Variants in SHLD1 observed in about 807,000 individuals in gnomAD.
The protein encoded by SHLD1 is shieldin complex subunit 1, also known as RINN1-REV7-interacting novel NHEJ regulator 3.
SHLD1 carries 3 observed loss-of-function variants against 5.5 expected under a neutral mutation model. The ratio of observed to expected loss-of-function variants is 0.54; its 90% confidence interval spans 0.25 to 1.40. The LOEUF is 1.40. Among genes scored for constraint, SHLD1 ranks in the 40% most tolerant of loss-of-function variants. SHLD1 has a pLI of 0.15. For missense variants in SHLD1, 210 were observed against 244.4 expected (o/e 0.86, Z 0.94); for synonymous variants, 92 against 94.3 (o/e 0.98, Z 0.14).
chr20:5,862,282 G>A (rs147149653), intron 2 of SHLD1, among the ~76,000 whole-genome samples: 33 of 152,278 alleles, frequency 2.2e-4, no homozygotes, highest in African/African-American at 7.2e-4. Context: ...GTGTGTAGTG[G>A]GTCCCCCACC....
At position 5,775,923 on chromosome 20, in the gene SHLD1, A is replaced by ATTTTT. The variant is rs533313849; in HGVS notation, c.178+2898_178+2902dup. Among the ~76,000 whole-genome samples, 74 of 77,684 alleles carry ATTTTT rather than the reference A, an allele frequency of 9.5e-4. 12 individuals are homozygous for ATTTTT. Among genetic ancestry groups the ATTTTT allele is most frequent in the Middle Eastern group, 8.3e-3 (1 of 120 alleles). 51.0% of individuals were successfully genotyped at this position (77,684 alleles called of 152,430 possible). A position where few individuals can be genotyped will look rare whatever the true frequency, so the allele number is the denominator to read the frequency against. The stretch of plus-strand genomic sequence containing the variant: ...TGCAGTACTGCCTGGTCAGCTCAGG[A>ATTTTT]TTTTTTTTTTTTTTTTTTTTTTGAG... On this transcript the variant is annotated intron_variant, in intron 2 of 2. Coordinates refer to ENST00000303142, the MANE Select transcript of SHLD1 (RefSeq NM_152504.4).
intron 2 of SHLD1, among the ~76,000 whole-genome samples, chr20:5,835,326 T>C (rs1241901375): frequency 6.6e-6 from 1 of 152,190 alleles, no homozygotes; most frequent in Non-Finnish European, 1.5e-5. Flanking sequence ...TTCATTCTCA[T>C]TCACTAAAAA....
chr20:5,863,390 A>C lies in SHLD1; in HGVS notation c.545A>C (p.Glu182Ala), dbSNP rs746095073. 3 of 1,614,142 alleles carry C rather than the reference A, an allele frequency of 1.9e-6. No individual in the cohort carries two copies. Among genetic ancestry groups the C allele is most frequent in the Non-Finnish European group, 2.5e-6 (3 of 1,180,012 alleles). Residue 182 changes from glutamate (E) to alanine (A), a missense_variant, in exon 3 of 3, where the codon GAA becomes GCA. By Grantham distance (107) the Glu-to-Ala change is moderately radical (BLOSUM62 -1). Transcript: ENST00000303142. ...LEEGSTSLDD[E>A]KPNPGLSKDI... ...GAAGGAAGTACATCTTTGGATGATG[A>C]AAAGCCAAACCCAGGACTGTCAAAG...
intron 2 of SHLD1, among the ~76,000 whole-genome samples, chr20:5,849,475 G>A (rs1400660643): frequency 1.3e-5 from 2 of 152,220 alleles, no homozygotes; most frequent in East Asian, 3.8e-4. Context: ...AACATGGACT[G>A]GGATGATTTC....
Position 5,797,734 on chromosome 20 carries a change from A to G in SHLD1, c.178+24691A>G, listed in dbSNP as rs543645430. Reference sequence around the variant, plus strand: ...TGGAGACATGTCTAACTTGTTTAATAAGTCACATTTATAATGCCTTTGCTA... The same window carrying G: ...TGGAGACATGTCTAACTTGTTTAATGAGTCACATTTATAATGCCTTTGCTA... On this transcript the variant is annotated intron_variant, in intron 2 of 2. Transcript: ENST00000303142. Among the ~76,000 whole-genome samples, 3 of 152,288 alleles carry G rather than the reference A, an allele frequency of 2.0e-5. No homozygotes were observed. In the East Asian group the frequency reaches 5.8e-4, roughly 29 times the overall value.
intron 2 of SHLD1, among the ~76,000 whole-genome samples, chr20:5,816,591 G>A (rs1023246783): frequency 3.9e-5 from 6 of 152,168 alleles, no homozygotes; most frequent in East Asian, 1.9e-4. Flanking sequence ...GGACCATAGC[G>A]AAATAGTGGC....
At chr20:5,783,384 C>T (rs1183950889) in intron 2 of SHLD1, among the ~76,000 whole-genome samples, 4 of 152,094 alleles carry the variant, frequency 2.6e-5, no homozygotes, top group East Asian at 3.9e-4. Flanking sequence ...CCACCACACC[C>T]GGCTAATTTT....
At chr20:5,757,071 CTTTT>C (rs753877287) in intron 1 of SHLD1, among the ~76,000 whole-genome samples, 37 of 123,206 alleles carry the variant, frequency 3.0e-4, no homozygotes, top group African/African-American at 1.1e-3. Context: ...TTCTTTCTTT[CTTTT>C]TTTTTTTTTT....
rs201725871 is a variant in SHLD1 at position 5,750,757 on chromosome 20, T to TA, written c.-5+284dup. Among the ~76,000 whole-genome samples, 1,343 of 152,068 alleles carry TA rather than the reference T, an allele frequency of 8.8e-3. 14 individuals are homozygous for TA. Among genetic ancestry groups the TA allele is most frequent in the African/African-American group, 0.029 (1,203 of 41,444 alleles). ...GACCTGCCACTTCAGGAGGTTCTGC[T>TA]AAAAAACCAACAAACAAAAAAACAG... On this transcript the variant is annotated intron_variant, in intron 1 of 2. Transcript: ENST00000303142.
chr20:5,759,373 C>T (rs561509079), intron 1 of SHLD1, among the ~76,000 whole-genome samples: 1 of 152,142 alleles, frequency 6.6e-6, no homozygotes, highest in Admixed American at 6.6e-5. Context: ...GATTCTCATG[C>T]CTCAGCCTCT....
At chr20:5,801,650 T>C (rs1336627636) in intron 2 of SHLD1, among the ~76,000 whole-genome samples, 1 of 152,078 alleles carries the variant, frequency 6.6e-6, no homozygotes, top group Non-Finnish European at 1.5e-5. Flanking sequence ...AAGCCACAGC[T>C]CAAGTGTGCA....
chr20:5,819,781 A>C lies in SHLD1; in HGVS notation c.179-43243A>C, dbSNP rs138628326. ...GGGCTGCAGTGAGCCATGATGGTGC[A>C]ACTGCACTCCAGCCTGAATGACAGC... On this transcript the variant is annotated intron_variant, in intron 2 of 2. Transcript: ENST00000303142. Among the ~76,000 whole-genome samples the C allele has an allele frequency of 8.4e-3, 1,278 of 152,298 alleles. 16 individuals are homozygous for C. Among genetic ancestry groups the C allele is most frequent in the Non-Finnish European group, 0.014 (972 of 68,002 alleles).
At chr20:5,816,959 T>A (rs1056482951) in intron 2 of SHLD1, among the ~76,000 whole-genome samples, 4 of 152,034 alleles carry the variant, frequency 2.6e-5, no homozygotes, top group Non-Finnish European at 5.9e-5. Flanking sequence ...GCCCCAGTTA[T>A]CTTGGGGGCT....
At chr20:5,800,855 GTGCGTA>G (rs200176043) in intron 2 of SHLD1, among the ~76,000 whole-genome samples, 3 of 40,802 alleles carry the variant, frequency 7.4e-5, no homozygotes, top group Admixed American at 3.1e-4. Context: ...GTGTGTGTGT[GTGCGTA>G]TGTCTATATC....
At chr20:5,856,908 C>G (rs1160785983) in intron 2 of SHLD1, among the ~76,000 whole-genome samples, 1 of 152,226 alleles carries the variant, frequency 6.6e-6, no homozygotes, top group Non-Finnish European at 1.5e-5. Context: ...TAAGTCTAAA[C>G]TAAATCTTAT....
chr20:5,795,376 C>G (rs140139016), intron 2 of SHLD1, among the ~76,000 whole-genome samples: 1 of 152,072 alleles, frequency 6.6e-6, no homozygotes, highest in Non-Finnish European at 1.5e-5. Context: ...GTGGGCAGAT[C>G]ACTTGAAGTC....
intron 2 of SHLD1, among the ~76,000 whole-genome samples, chr20:5,784,176 C>T (rs1424434517): frequency 6.7e-6 from 1 of 150,138 alleles, no homozygotes; most frequent in Non-Finnish European, 1.5e-5. Flanking sequence ...AAAAAGAAAA[C>T]CACAGAGCCC....
intron 2 of SHLD1, among the ~76,000 whole-genome samples, chr20:5,844,737 C>G (rs964228635): frequency 7.0e-6 from 1 of 142,790 alleles, no homozygotes; most frequent in Non-Finnish European, 1.5e-5. Context: ...CTGGAGTTTC[C>G]TTTTGATATA....
At chr20:5,767,137 CT>C (rs970387518) in intron 1 of SHLD1, among the ~76,000 whole-genome samples, 1 of 145,536 alleles carries the variant, frequency 6.9e-6, no homozygotes, top group Non-Finnish European at 1.5e-5. Flanking sequence ...CTTTTCTTTT[CT>C]TTTCTTTTCT....
Sources: gnomAD v4.1 joint callset for allele counts (sites outside exome capture counted in the v4.1 genomes callset) on GRCh38, gnomAD v4.1.1 for gene constraint, MANE v1.5 for transcripts, NCBI Gene and HGNC (gene_info 2026-07-23, HGNC 2026-07-21) for gene names.